Variants in AKNA observed in about 807,000 individuals in gnomAD.
AKNA encodes the protein AT-hook transcription factor.
Under a neutral mutation model 138.8 loss-of-function variants are expected in AKNA, and 67 were observed. The ratio of observed to expected loss-of-function variants is 0.48; its 90% CI spans 0.40 to 0.59. The LOEUF (loss-of-function observed/expected upper bound fraction) is 0.59, where lower values mean the gene tolerates loss of function less well. AKNA is among the 20% of genes least tolerant of loss of function. The pLI is 0.00. For missense variants in AKNA, 1,813 were observed against 1,880.4 expected (o/e 0.96, Z 0.66); for synonymous variants, 737 against 754.4 (o/e 0.98, Z 0.38).
At chr9:114,381,655 G>GTATT in intron 1 of AKNA, among the ~76,000 whole-genome samples, 1 of 82,858 alleles carries the variant, frequency 1.2e-5, no homozygotes, top group Non-Finnish European at 2.1e-5. Context: ...TCTCTCCAGG[G>GTATT]TTTTTTTTTT....
At chr9:114,333,314 C>T, downstream of AKNA, 1 of 1,165,382 alleles carries the variant, frequency 8.6e-7, no homozygotes, top group South Asian at 1.5e-5. Flanking sequence ...TTAACCCTGG[C>T]TGGGCACTGG....
chr9:114,347,344 T>C (rs1223623187), intron 16 of AKNA, among the ~76,000 whole-genome samples: 4 of 152,032 alleles, frequency 2.6e-5, no homozygotes, highest in Non-Finnish European at 5.9e-5. Context: ...CTCAGCCTCC[T>C]GAGTAGCTGG....
intron 4 of AKNA, among the ~76,000 whole-genome samples, chr9:114,372,970 G>A (rs76621725): frequency 7.1e-6 from 1 of 141,488 alleles, no homozygotes; most frequent in African/African-American, 2.6e-5. Context: ...GCAGCGGGGG[G>A]GGGGGGGGTC....
At chr9:114,368,262 G>T in intron 5 of AKNA, 177 bp downstream of exon 5, 2 of 661,476 alleles carry the variant, frequency 3.0e-6, no homozygotes, top group Non-Finnish European at 4.3e-6. Flanking sequence ...GTGGATCAAA[G>T]CAGGACACTT....
chr9:114,387,051 A>G (rs1011511628), intron 1 of AKNA, among the ~76,000 whole-genome samples: 46 of 152,282 alleles, frequency 3.0e-4, no homozygotes, highest in Non-Finnish European at 6.0e-4. Context: ...CAGGAAGCGC[A>G]GACAGAGGAT....
At chr9:114,397,695 C>T (rs1352813178), upstream of AKNA, among the ~76,000 whole-genome samples, 1 of 152,184 alleles carries the variant, frequency 6.6e-6, no homozygotes, top group Non-Finnish European at 1.5e-5. Context: ...CCCAGCTCTG[C>T]GCCTCCCTGC....
At chr9:114,373,962 G>C in intron 4 of AKNA, 131 bp downstream of exon 4, 1 of 848,678 alleles carries the variant, frequency 1.2e-6, no homozygotes, top group Non-Finnish European at 1.8e-6. Context: ...TGGGGTAGAA[G>C]AAAACTGGCG....
At chr9:114,385,799 A>G (rs781086885) in intron 1 of AKNA, among the ~76,000 whole-genome samples, 19 of 152,212 alleles carry the variant, frequency 1.2e-4, no homozygotes, top group Admixed American at 2.0e-4. Flanking sequence ...CCAGTCAGCT[A>G]GTCAGTCAAC....
chr9:114,345,752 G>T, intron 18 of AKNA, 111 bp downstream of exon 18: 1 of 1,023,376 alleles, frequency 9.8e-7, no homozygotes, highest in Non-Finnish European at 1.4e-6. Context: ...AGAACTGATA[G>T]AAAATGATAT....
At chr9:114,349,009 T>C (rs1360211501) in intron 15 of AKNA, 2 of 455,086 alleles carry the variant, frequency 4.4e-6, no homozygotes, top group African/African-American at 2.0e-5. Flanking sequence ...GCGCTGAGTG[T>C]GTGTGTCTGA....
chr9:114,335,757 G>T lies in AKNA; in HGVS notation c.*1297C>A, dbSNP rs1829960230. 2 of 119,086 alleles carry T rather than the reference G, an allele frequency of 1.7e-5. No homozygotes were observed. Among genetic ancestry groups the T allele is most frequent in the Admixed American group, 2.1e-4 (2 of 9,328 alleles). 7.4% of individuals were successfully genotyped at this position (119,086 alleles called of 1,614,324 possible). On this transcript the variant is annotated 3_prime_UTR_variant, in exon 22 of 22. Coordinates refer to ENST00000374088, the MANE Select transcript of AKNA (RefSeq NM_001317950.2). ...CTGTACCCCAGCCTGGGCAACCAGA[G>T]CAAAACTCAGTCTCAAAAAAAAAAA... is the stretch of plus-strand genomic sequence containing the variant.
intron 8 of AKNA, among the ~76,000 whole-genome samples, chr9:114,362,140 A>G (rs1235559824): frequency 2.0e-5 from 3 of 152,246 alleles, no homozygotes; most frequent in Non-Finnish European, 4.4e-5. Flanking sequence ...GCTGTGGGAC[A>G]TTAGAGAAAT....
upstream of AKNA, among the ~76,000 whole-genome samples, chr9:114,395,006 G>A (rs926017112): frequency 1.3e-5 from 2 of 152,156 alleles, no homozygotes; most frequent in Non-Finnish European, 2.9e-5. Flanking sequence ...GTGTGGGAGC[G>A]GCACTGGGCG....
intron 11 of AKNA, 84 bp downstream of exon 11, chr9:114,359,510 G>A (rs752397476): frequency 7.6e-6 from 12 of 1,584,650 alleles, no homozygotes; most frequent in Admixed American, 6.8e-5. Flanking sequence ...ACTGTGAAGC[G>A]CTGTCTTATT....
rs978153210 is a variant in AKNA, at chr9:114,345,652, A to G, written c.3661+211T>C. 8 of 533,656 alleles carry G rather than the reference A, an allele frequency of 1.5e-5. 1 individual carries two copies. Among genetic ancestry groups the G allele is most frequent in the African/African-American group, 4.1e-5 (2 of 48,314 alleles). 33.1% of individuals were successfully genotyped at this position (533,656 alleles called of 1,614,324 possible). On this transcript the variant is annotated intron_variant, in intron 18 of 21. Transcript: ENST00000374088. ...GCCCTGGCAAAGGGGAAGCATCAGA[A>G]AGTGTTTGCTGAATGAATGAATGAA...
chr9:114,337,252 G>A lies in AKNA; in HGVS notation c.4122C>T (p.Pro1374=). ...TSAQPAAKWP[P]TASPPPARRH... is the part of the protein sequence containing the mutation. The stretch of plus-strand genomic sequence containing the variant: ...TCCGGGCTGGTGGGGGAGAGGCTGT[G>A]GGCGGCCACTTGGCAGCTGGTTGGG... Residue 1374 remains proline (P), a synonymous_variant, in exon 22 of 22, where the codon CCC becomes CCT. Transcript: ENST00000374088. 1 of 1,556,300 alleles carries A rather than the reference G, an allele frequency of 6.4e-7. No individual in the cohort carries two copies. The highest frequency in any genetic ancestry group is 1.8e-5 in the Admixed American group (1 of 54,330).
Position 114,337,210 on chromosome 9 carries a change from G to A in AKNA, c.4164C>T (p.Ile1388=). Residue 1388 remains isoleucine, a synonymous_variant, in exon 22 of 22, where the codon ATC becomes ATT. Coordinates refer to ENST00000374088, the MANE Select transcript of AKNA (RefSeq NM_001317950.2). ...CCTCTAGGTCGCCCAGGTCGAGCTG[G>A]ATGGAGTGCCGGTGTCTCCGGGCTG... ...PPPARRHRHS[I]QLDLGDLEEL... 6.3e-7 allele frequency: 1 copy of A among 1,592,568 alleles called. No individual in the cohort carries two copies. Among genetic ancestry groups the A allele is most frequent in the South Asian group, 1.1e-5 (1 of 89,752 alleles).
At chr9:114,330,593 C>G (rs1829835007), downstream of AKNA, 1 of 1,611,784 alleles carries the variant, frequency 6.2e-7, no homozygotes, top group Admixed American at 1.7e-5. Context: ...GCCCCCATTC[C>G]AATGCACCCC....
At chr9:114,347,120 C>T (rs1249722) in intron 16 of AKNA, among the ~76,000 whole-genome samples, 9,978 of 152,244 alleles carry the variant, frequency 0.066, 1,108 homozygotes, top group African/African-American at 0.23. Context: ...CATAAATGAA[C>T]AAACACCGAA....
Sources: gnomAD v4.1 joint callset for allele counts (sites outside exome capture counted in the v4.1 genomes callset) on GRCh38, gnomAD v4.1.1 for gene constraint, MANE v1.5 for transcripts, NCBI Gene and HGNC (gene_info 2026-07-23, HGNC 2026-07-21) for gene names.